The following EEA1 variants were observed in gnomAD, a reference collection of about 807,000 sequenced individuals.
The protein encoded by EEA1 is early endosome antigen 1, 162kD.
EEA1 carries 111 observed loss-of-function variants against 209.2 expected under a neutral mutation model. The ratio of observed to expected loss-of-function variants is 0.53; its 90% CI spans 0.45 to 0.62. The LOEUF is 0.62. Among genes scored for constraint, EEA1 ranks in the 20% least tolerant of loss-of-function variants. The pLI, the probability that EEA1 is intolerant of heterozygous loss-of-function variation, is 0.00. For synonymous variants in EEA1, 536 were observed against 540.6 expected (o/e 0.99, Z 0.12); for missense variants, 1,343 against 1,530.8 (o/e 0.88, Z 2.05).
At chr12:92,811,636 TC>T (rs1875517196) in intron 16 of EEA1, among the ~76,000 whole-genome samples, 1 of 152,162 alleles carries the variant, frequency 6.6e-6, no homozygotes, top group Admixed American at 6.5e-5. Context: ...TAGTCTGAGA[TC>T]CTAAGTTTAT....
rs753313181 is a variant in EEA1 at position 92,851,229 on chromosome 12, T to C, written c.680A>G (p.Lys227Arg). 111 of 1,613,718 alleles carry C rather than the reference T, an allele frequency of 6.9e-5. No individual in the cohort carries two copies. The highest frequency in any genetic ancestry group is 1.6e-4 in the Middle Eastern group (1 of 6,080). Residue 227 changes from lysine (K) to arginine (R), a missense_variant, in exon 9 of 29, where the codon AAG becomes AGG. By Grantham distance (26) the Lys-to-Arg change is conservative. Transcript: ENST00000322349. ...TGTTTGAACTTGGACCAGTTCTTTC[T>C]TTAGCACGGCAACATCTTCTATACC... ...RPGIEDVAVLKKELVQVQTLM... is the reference protein window; with the variant it reads ...RPGIEDVAVLRKELVQVQTLM...
intron 11 of EEA1, among the ~76,000 whole-genome samples, chr12:92,831,503 A>C (rs752434665): frequency 6.7e-6 from 1 of 148,362 alleles, no homozygotes; most frequent in Non-Finnish European, 1.5e-5. Context: ...TATATAATAT[A>C]TGATATGAAT....
chr12:92,772,492 T>C lies in EEA1; in HGVS notation c.*3519A>G, dbSNP rs774908003. ...CTCTTTTGTTAGACAAAACAATTTATAGTCACAGAATACAACTAGTTTAGA... is the reference window on the plus strand; with the variant it reads ...CTCTTTTGTTAGACAAAACAATTTACAGTCACAGAATACAACTAGTTTAGA... On this transcript the variant is annotated 3_prime_UTR_variant, in exon 29 of 29. Transcript: ENST00000322349. 2.0e-5 allele frequency: 3 copies of C among 151,860 alleles called. No homozygotes were observed. The highest frequency in any genetic ancestry group is 4.4e-5 in the Non-Finnish European group (3 of 67,814). The allele number at this position is 151,860 out of a possible 1,614,324, so 9.4% of individuals were successfully genotyped here.
chr12:92,790,866 C>T (rs189770061), intron 21 of EEA1, among the ~76,000 whole-genome samples: 5 of 152,262 alleles, frequency 3.3e-5, no homozygotes, highest in Non-Finnish European at 5.9e-5. Context: ...TTAAGGGCAG[C>T]CAGAGAGAAA....
At chr12:92,857,177 T>G (rs971384348) in intron 5 of EEA1, 98 bp downstream of exon 5, 125 of 841,806 alleles carry the variant, frequency 1.5e-4, no homozygotes, top group Non-Finnish European at 2.2e-4. Flanking sequence ...GTTATTTATA[T>G]CAGGCCGCCA....
At chr12:92,828,507 G>T (rs979299051) in intron 11 of EEA1, among the ~76,000 whole-genome samples, 1 of 151,620 alleles carries the variant, frequency 6.6e-6, no homozygotes. Context: ...TTACATTTGG[G>T]TATTGGATAG....
At chr12:92,858,699 A>C (rs1035502923) in intron 3 of EEA1, 1 of 737,732 alleles carries the variant, frequency 1.4e-6, no homozygotes, top group African/African-American at 1.7e-5. Context: ...CAATTGTTAT[A>C]TCTGTTTGGC....
intron 1 of EEA1, among the ~76,000 whole-genome samples, chr12:92,907,148 C>T (rs921888994): frequency 1.8e-4 from 28 of 152,318 alleles, no homozygotes; most frequent in African/African-American, 6.5e-4. Context: ...AGGGAGTTTT[C>T]ATACTTGACC....
intron 2 of EEA1, among the ~76,000 whole-genome samples, chr12:92,880,382 G>A (rs907429946): frequency 2.0e-5 from 3 of 152,040 alleles, no homozygotes; most frequent in Non-Finnish European, 2.9e-5. Context: ...TCGGCTCACC[G>A]CAGCCTCCAC....
chr12:92,869,473 G>C (rs961063811), intron 2 of EEA1, among the ~76,000 whole-genome samples: 1 of 151,766 alleles, frequency 6.6e-6, no homozygotes, highest in African/African-American at 2.4e-5. Flanking sequence ...GCCGGGCGCA[G>C]TTGTTCACGC....
In EEA1 at chr12:92,811,330, C is replaced by A. The variant is rs1173179560; in HGVS notation, c.2148G>T (p.Glu716Asp). Reference sequence around the variant, plus strand: ...TTTTCTGTTCTAAAGAGAGGTATTTCTCTTTATATTCTTTAAGATGACTTT... The same window carrying A: ...TTTTCTGTTCTAAAGAGAGGTATTTATCTTTATATTCTTTAAGATGACTTT... ...QLESHLKEYK[E>D]KYLSLEQKTE... The change falls in exon 17 of 29, where the codon GAG (glutamate) becomes GAT (aspartate). Residue 716 changes from glutamate to aspartate, a missense_variant. Transcript: ENST00000322349. The A allele has an allele frequency of 1.2e-6, 2 of 1,601,130 alleles. No individual in the cohort carries two copies. Among genetic ancestry groups the A allele is most frequent in the Non-Finnish European group, 1.7e-6 (2 of 1,174,532 alleles).
At chr12:92,815,293 G>T (rs1206886693) in intron 15 of EEA1, among the ~76,000 whole-genome samples, 1 of 152,136 alleles carries the variant, frequency 6.6e-6, no homozygotes, top group East Asian at 1.9e-4. Context: ...AAGGAAAGGA[G>T]CTTACAATGC....
chr12:92,806,942 A>ATTTTTTTTTTTTTTTTTTTTTTT (rs34717047), intron 18 of EEA1, among the ~76,000 whole-genome samples: 2 of 147,394 alleles, frequency 1.4e-5, no homozygotes, highest in African/African-American at 5.0e-5. Context: ...TTTTTTAATA[A>ATTTTTTTTTTTTTTTTTTTTTTT]TTTTTTTTTT....
chr12:92,858,814 C>T (rs540311672), intron 3 of EEA1: 1 of 774,280 alleles, frequency 1.3e-6, no homozygotes, highest in Admixed American at 1.7e-5. Flanking sequence ...AATCTACCAC[C>T]TATAGCCAAG....
Position 92,832,533 on chromosome 12 carries a change from T to G in EEA1, c.1233A>C (p.Gln411His). 6.2e-7 allele frequency: 1 copy of G among 1,611,368 alleles called. No homozygotes were observed. The highest frequency in any genetic ancestry group is 1.1e-5 in the South Asian group (1 of 90,316). ...QREEKEQHGL[Q>H]LQSEINQLHS... The stretch of plus-strand genomic sequence containing the variant: ...TTACTTGATTAATTTCACTTTGGAG[T>G]TGTAACCCATGCTGCTCCTTTTCTT... The change falls in exon 11 of 29, where the codon CAA (glutamine) becomes CAC (histidine). Residue 411 changes from glutamine to histidine, a missense_variant. This residue lies in a region of EEA1 where 1,307 missense variants were observed against 1,465.5 expected (regional missense o/e 0.89). Coordinates refer to ENST00000322349, the MANE Select transcript of EEA1 (RefSeq NM_003566.4).
At chr12:92,836,192 A>C (rs1186019859) in intron 10 of EEA1, among the ~76,000 whole-genome samples, 2 of 152,252 alleles carry the variant, frequency 1.3e-5, no homozygotes, top group Non-Finnish European at 2.9e-5. Context: ...TTCTAAATCC[A>C]ATAAATTTTT....
chr12:92,895,207 G>T (rs1879823409), intron 1 of EEA1, among the ~76,000 whole-genome samples: 1 of 134,886 alleles, frequency 7.4e-6, no homozygotes, highest in Non-Finnish European at 1.5e-5. Context: ...CCAGGCTGGA[G>T]TGCAGTGGCC....
At chr12:92,826,804 T>C (rs896481315) in intron 12 of EEA1, among the ~76,000 whole-genome samples, 3 of 152,048 alleles carry the variant, frequency 2.0e-5, no homozygotes, top group African/African-American at 7.2e-5. Context: ...TTTCTATAAA[T>C]AGGCTTATCC....
chr12:92,864,843 A>C lies in EEA1; in HGVS notation c.245+17T>G. On this transcript the variant is annotated intron_variant, in intron 3 of 28. Transcript: ENST00000322349. Reference sequence around the variant, plus strand: ...GCATATTCCATAACATTATACTTCAAAATTATCATACCGTACCGCTTCAAA... The same window carrying C: ...GCATATTCCATAACATTATACTTCACAATTATCATACCGTACCGCTTCAAA... The C allele has an allele frequency of 6.4e-7, 1 of 1,561,610 alleles. No individual in the cohort carries two copies. Among genetic ancestry groups the C allele is most frequent in the Non-Finnish European group, 8.6e-7 (1 of 1,157,644 alleles).
Sources: gnomAD v4.1 joint callset for allele counts (sites outside exome capture counted in the v4.1 genomes callset) on GRCh38, gnomAD v4.1.1 for gene constraint, gnomAD v4.1.1 regional missense constraint, MANE v1.5 for transcripts, NCBI Gene and HGNC (gene_info 2026-07-23, HGNC 2026-07-21) for gene names.